Variants in CEP250 observed in about 807,000 individuals in gnomAD.
The protein encoded by CEP250 is centrosome-associated protein CEP250.
A neutral mutation model predicts 315.7 loss-of-function variants in CEP250; 242 were observed. The ratio of observed to expected loss-of-function variants is 0.77; its 90% CI spans 0.69 to 0.85. CEP250 has a LOEUF of 0.85. Ranked by LOEUF, CEP250 falls within the 40% of genes least tolerant of loss-of-function variation. CEP250 has a pLI of 0.00. For missense variants in CEP250, 2,515 were observed against 2,886.4 expected, an observed-to-expected ratio of 0.87 and a Z score of 2.95; for synonymous variants, 1,088 against 1,175.0, an observed-to-expected ratio of 0.93 and a Z score of 1.51.
chr20:35,503,477 G>A lies in CEP250; in HGVS notation c.5108G>A (p.Arg1703Lys). 6.2e-7 allele frequency: 1 copy of A among 1,614,192 alleles called. No homozygotes were observed. Among genetic ancestry groups the A allele is most frequent in the Non-Finnish European group, 8.5e-7 (1 of 1,180,040 alleles). ...CGAGGCCGGGAGCTGACCACTCAGA[G>A]GCAGCTGATGCAGGAACGGGCAGAG... ...RERGRELTTQ[R>K]QLMQERAEEG... The change falls in exon 30 of 35, where the codon AGG becomes AAG. Residue 1703 changes from arginine to lysine, a missense_variant. Coordinates refer to ENST00000397527, the MANE Select transcript of CEP250 (RefSeq NM_007186.6). The surrounding 1 kb of genome is among the most constrained non-coding windows in gnomAD (Gnocchi z 4.2).
chr20:35,467,726 A>T (rs2062923640), intron 9 of CEP250, among the ~76,000 whole-genome samples, 171 bp downstream of exon 9: 1 of 151,776 alleles, frequency 6.6e-6, no homozygotes, highest in Admixed American at 6.6e-5. Context: ...GCTTGTACTG[A>T]CCTCTGCCCT....
rs182467683 is a variant in CEP250 at position 35,487,638 on chromosome 20, G to A, written c.2587-2999G>A. On this transcript the variant is annotated intron_variant, in intron 20 of 34. Transcript: ENST00000397527. ...ACACAATAAAGGTGAATAAATGCAT[G>A]GAGAAGTCACTCAGGGCTGGGCGTG... Among the ~76,000 whole-genome samples, 4 of 151,780 alleles carry A rather than the reference G, an allele frequency of 2.6e-5. No homozygotes were observed. The East Asian group carries it at 7.8e-4, about 30-fold the overall frequency.
In CEP250 at chr20:35,473,566, C is replaced by A; in HGVS notation, c.1388+14C>A. On this transcript the variant is annotated intron_variant, in intron 13 of 34. Transcript: ENST00000397527. ...CTCTCTCAGCAAGTGAGCAGACGGG[C>A]TGTTCATCCCACCCTCCCAGCCTGG... 1 of 1,597,266 alleles carries A rather than the reference C, an allele frequency of 6.3e-7. No homozygotes were observed. The highest frequency in any genetic ancestry group is 1.1e-5 in the South Asian group (1 of 88,528).
Position 35,513,484 on chromosome 20 carries a change from C to T in CEP250, c.*1858C>T, listed in dbSNP as rs917805885. ...TGTTGATCAGGCTGGTCTCGAACTC[C>T]CGACCTCAGGTGATCCACCCACCTC... On this transcript the variant is annotated 3_prime_UTR_variant, in exon 35 of 35. Coordinates refer to ENST00000397527, the MANE Select transcript of CEP250 (RefSeq NM_007186.6). The T allele has an allele frequency of 2.6e-5, 4 of 152,148 alleles. No individual in the cohort carries two copies. The highest frequency in any genetic ancestry group is 4.8e-5 in the African/African-American group (2 of 41,394). The allele number at this position is 152,148 out of a possible 1,614,324, so 9.4% of individuals were successfully genotyped here.
chr20:35,464,550 C>G (rs957621773), intron 5 of CEP250, among the ~76,000 whole-genome samples: 1 of 152,198 alleles, frequency 6.6e-6, no homozygotes, highest in Admixed American at 6.5e-5. Context: ...TAGACTCAAG[C>G]AATCCTCCCA....
chr20:35,504,127 G>A lies in CEP250; in HGVS notation c.5758G>A (p.Glu1920Lys). The change falls in exon 30 of 35, where the codon GAG becomes AAG. Residue 1920 changes from glutamate to lysine, a missense_variant. By Grantham distance (56) the Glu-to-Lys change is moderately conservative. Transcript: ENST00000397527. ...TGAGCAGGCACAGGAGCATGAGGTG[G>A]AGACCAGGGCCCTGCAGGACAGCTG... The part of the protein sequence containing the change: ...CAEQAQEHEV[E>K]TRALQDSWLQ... The A allele has an allele frequency of 6.2e-7, 1 of 1,613,852 alleles. No homozygotes were observed. The highest frequency in any genetic ancestry group is 8.5e-7 in the Non-Finnish European group (1 of 1,179,864).
intron 16 of CEP250, 32 bp downstream of exon 16, chr20:35,476,627 G>C: frequency 6.2e-7 from 1 of 1,602,550 alleles, no homozygotes; most frequent in Non-Finnish European, 8.5e-7. Context: ...CCCCACAGAA[G>C]GGCTGGGCCC....
Position 35,514,219 on chromosome 20 carries a change from A to G in CEP250, c.*2593A>G, listed in dbSNP as rs1292004228. Reference sequence around the variant, plus strand: ...CTGACCTTGTCACATGTGGCAGGGTATAACCAGAATGGTGAATCCAGCAGA... The same window carrying G: ...CTGACCTTGTCACATGTGGCAGGGTGTAACCAGAATGGTGAATCCAGCAGA... On this transcript the variant is annotated 3_prime_UTR_variant, in exon 35 of 35. Transcript: ENST00000397527. 6.6e-6 allele frequency: 1 copy of G among 152,298 alleles called. No homozygotes were observed. Among genetic ancestry groups the G allele is most frequent in the African/African-American group, 2.4e-5 (1 of 41,476 alleles). The allele number at this position is 152,298 out of a possible 1,614,324, so 9.4% of individuals were successfully genotyped here.
At chr20:35,472,015 T>A in intron 10 of CEP250, 35 bp from the exon 11 acceptor site, 1 of 1,261,216 alleles carries the variant, frequency 7.9e-7, no homozygotes, top group African/African-American at 1.5e-5. Context: ...CTTTTGAGAG[T>A]TTGGCTCTGA....
chr20:35,458,205 C>T (rs949815836), intron 1 of CEP250, 99 bp from the exon 2 acceptor site: 6 of 152,274 alleles, frequency 3.9e-5, no homozygotes, highest in Middle Eastern at 3.4e-3. Flanking sequence ...AGTGTTGCTT[C>T]TCTTTTAAAC....
At position 35,467,400 on chromosome 20, in the gene CEP250, C is replaced by G. The variant is rs2062911683; in HGVS notation, c.696C>G (p.Pro232=). The part of the protein sequence containing the change: ...RLTVGAQSRE[P]NGSGRMDGRE... Reference sequence around the variant, plus strand: ...CTGTGGGAGCACAGTCTCGGGAACCCAACGGATCTGGAAGAATGGATGGGC... The same window carrying G: ...CTGTGGGAGCACAGTCTCGGGAACCGAACGGATCTGGAAGAATGGATGGGC... Residue 232 remains proline, a synonymous_variant, in exon 9 of 35, where the codon CCC becomes CCG. Coordinates refer to ENST00000397527, the MANE Select transcript of CEP250 (RefSeq NM_007186.6). The G allele has an allele frequency of 6.2e-7, 1 of 1,614,064 alleles. No individual in the cohort carries two copies. Among genetic ancestry groups the G allele is most frequent in the Non-Finnish European group, 8.5e-7 (1 of 1,180,038 alleles).
Position 35,490,534 on chromosome 20 carries a change from A to G in CEP250, c.2587-103A>G, listed in dbSNP as rs1004166861. ...ACAGGCTTAGAGAGGTACCAAGGTCACCCCACTAGTGAGTAGTAGAGAGAC... is the reference window on the plus strand; with the variant it reads ...ACAGGCTTAGAGAGGTACCAAGGTCGCCCCACTAGTGAGTAGTAGAGAGAC... On this transcript the variant is annotated intron_variant, in intron 20 of 34. Coordinates refer to ENST00000397527, the MANE Select transcript of CEP250 (RefSeq NM_007186.6). 8 of 1,025,036 alleles carry G rather than the reference A, an allele frequency of 7.8e-6. No homozygotes were observed. In the Admixed American group the frequency reaches 1.7e-4, roughly 22 times the overall value. The allele number at this position is 1,025,036 out of a possible 1,614,324, so 63.5% of individuals were successfully genotyped here.
At position 35,491,632 on chromosome 20, in the gene CEP250, G is replaced by A. The variant is rs1333452221; in HGVS notation, c.2889+286G>A. On this transcript the variant is annotated intron_variant, in intron 22 of 34. Transcript: ENST00000397527. The stretch of plus-strand genomic sequence containing the variant: ...AAAATACAAAAATTAGCCGGGCATG[G>A]TGGCAGGCCCCTGTAATCCCAGCAC... Among the ~76,000 whole-genome samples, 4 of 152,166 alleles carry A rather than the reference G, an allele frequency of 2.6e-5. No individual in the cohort carries two copies. The East Asian group carries it at 5.8e-4, about 22-fold the overall frequency.
Position 35,504,929 on chromosome 20 carries a change from T to A in CEP250, c.6560T>A (p.Val2187Asp), listed in dbSNP as rs2064143093. ...TCCCTAGCGCAGACCAAGGCCAGTGTCAGCAGTCTGCAGGAGGTAGCCATG... is the reference window on the plus strand; with the variant it reads ...TCCCTAGCGCAGACCAAGGCCAGTGACAGCAGTCTGCAGGAGGTAGCCATG... ...ALSLAQTKAS[V>D]SSLQEVAMFL... Residue 2187 changes from valine (V) to aspartate (D), a missense_variant, in exon 30 of 35, where the codon GTC becomes GAC. Coordinates refer to ENST00000397527, the MANE Select transcript of CEP250 (RefSeq NM_007186.6). 4 of 1,614,016 alleles carry A rather than the reference T, an allele frequency of 2.5e-6. No individual in the cohort carries two copies. Among genetic ancestry groups the A allele is most frequent in the Non-Finnish European group, 3.4e-6 (4 of 1,180,040 alleles).
At chr20:35,456,706 G>C (rs977499503) in intron 1 of CEP250, among the ~76,000 whole-genome samples, 1 of 152,080 alleles carries the variant, frequency 6.6e-6, no homozygotes, top group Non-Finnish European at 1.5e-5. Flanking sequence ...GTAATGGAGA[G>C]AGTGTAGAAT....
At chr20:35,491,679 G>C (rs538768261) in intron 22 of CEP250, among the ~76,000 whole-genome samples, 3 of 152,216 alleles carry the variant, frequency 2.0e-5, no homozygotes, top group South Asian at 4.1e-4. Context: ...GAGGCGGACA[G>C]ATCAGTTGAG....
At chr20:35,505,927 A>G (rs2064174683) in intron 30 of CEP250, among the ~76,000 whole-genome samples, 1 of 152,138 alleles carries the variant, frequency 6.6e-6, no homozygotes, top group Admixed American at 6.6e-5. Flanking sequence ...GATCAGACAT[A>G]CAGCTCACAA....
chr20:35,503,532 C>CG lies in CEP250; in HGVS notation c.5166dup (p.Ser1723GlufsTer11), dbSNP rs1568834690. On this transcript the variant is annotated frameshift_variant, in exon 30 of 35. Coordinates refer to ENST00000397527, the MANE Select transcript of CEP250 (RefSeq NM_007186.6). LOFTEE classifies it high-confidence loss of function. This position sits in a 1 kb window ranked among gnomAD's most constrained non-coding sequence, Gnocchi z 4.2. ...GGAAGGGCCCAAGTAAAGCACAGCGCGGGAGCCTAGAGCACATGAAGCTGA... is the reference window on the plus strand; with the variant it reads ...GGAAGGGCCCAAGTAAAGCACAGCGCGGGGAGCCTAGAGCACATGAAGCTGA... 1 of 1,613,992 alleles carries CG rather than the reference C, an allele frequency of 6.2e-7. No individual in the cohort carries two copies. The highest frequency in any genetic ancestry group is 2.2e-5 in the East Asian group (1 of 44,862).
At chr20:35,509,969 C>T (rs901041968) in intron 33 of CEP250, 29 bp from the exon 34 acceptor site, 1 of 1,610,064 alleles carries the variant, frequency 6.2e-7, no homozygotes, top group Non-Finnish European at 8.5e-7. Flanking sequence ...AAGGCCTATG[C>T]CAACAAGAGT....
Sources: gnomAD v4.1 joint callset for allele counts (sites outside exome capture counted in the v4.1 genomes callset) on GRCh38, gnomAD v4.1.1 for gene constraint, Gnocchi (gnomAD v3.1) non-coding constraint, MANE v1.5 for transcripts, NCBI Gene and HGNC (gene_info 2026-07-23, HGNC 2026-07-21) for gene names.